PRUNE2: variants seen among roughly 807,000 people sequenced by gnomAD.
PRUNE2 encodes protein prune homolog 2.
A neutral mutation model predicts 252.0 loss-of-function variants in PRUNE2; 164 were observed. That is an observed-to-expected ratio of 0.65 (90% confidence interval 0.57 to 0.74). The LOEUF (loss-of-function observed/expected upper bound fraction) is 0.74. Among genes scored for constraint, PRUNE2 ranks in the 30% least tolerant of loss-of-function variants. The pLI is 0.00. For synonymous variants in PRUNE2, 1,292 were observed against 1,350.2 expected, an observed-to-expected ratio of 0.96 and a Z score of 0.94; for missense variants, 3,495 against 3,711.0, an observed-to-expected ratio of 0.94 and a Z score of 1.51.
intron 6 of PRUNE2, among the ~76,000 whole-genome samples, chr9:76,802,162 A>G (rs1564335986): frequency 6.6e-6 from 1 of 152,168 alleles, no homozygotes; most frequent in Admixed American, 6.5e-5. Flanking sequence ...ACATACTGCA[A>G]ATGTAATACA....
At chr9:76,834,852 T>A (rs2058866657) in intron 4 of PRUNE2, among the ~76,000 whole-genome samples, 1 of 152,194 alleles carries the variant, frequency 6.6e-6, no homozygotes, top group African/African-American at 2.4e-5. Flanking sequence ...ACCCATTTAG[T>A]TACAAACTTA....
At chr9:76,904,039 C>T (rs1011273385) in intron 1 of PRUNE2, among the ~76,000 whole-genome samples, 7 of 152,146 alleles carry the variant, frequency 4.6e-5, no homozygotes, top group African/African-American at 1.7e-4. Context: ...AATCTTATTA[C>T]CTAGAAAATG....
chr9:76,690,446 T>C (rs1423676427), intron 9 of PRUNE2, among the ~76,000 whole-genome samples: 1 of 152,222 alleles, frequency 6.6e-6, no homozygotes, highest in African/African-American at 2.4e-5. Context: ...CTATATCAGG[T>C]ACCTGAACCT....
intron 16 of PRUNE2, among the ~76,000 whole-genome samples, chr9:76,627,275 G>GT (rs1320016750): frequency 5.6e-5 from 6 of 106,210 alleles, no homozygotes; most frequent in Non-Finnish European, 8.4e-5. Flanking sequence ...TAATTTTTGT[G>GT]TTTTTTTCAT....
chr9:76,762,721 A>G (rs2051867832), intron 6 of PRUNE2, among the ~76,000 whole-genome samples: 1 of 152,204 alleles, frequency 6.6e-6, no homozygotes, highest in Admixed American at 6.5e-5. Context: ...ATACACGACC[A>G]CATGAGATTG....
In PRUNE2 at chr9:76,636,496, G is replaced by C; in HGVS notation, c.9025C>G (p.Leu3009Val). ...CTTATAAAAGGTCGTGTCACAGCAAGGATTGTTCTGATGAACCAAGATGGA... is the reference window on the plus strand; with the variant it reads ...CTTATAAAAGGTCGTGTCACAGCAACGATTGTTCTGATGAACCAAGATGGA... ...VHPSWFIRTI[L>V]AVTRPFISSK... Residue 3009 changes from leucine (L) to valine (V), a missense_variant, in exon 15 of 19, where the codon CTT (leucine) becomes GTT (valine). Coordinates refer to ENST00000376718, the MANE Select transcript of PRUNE2 (RefSeq NM_015225.3). 1 of 1,549,618 alleles carries C rather than the reference G, an allele frequency of 6.5e-7. No homozygotes were observed. The highest frequency in any genetic ancestry group is 1.4e-5 in the African/African-American group (1 of 73,380).
At chr9:76,727,537 G>A (rs2048200895) in intron 6 of PRUNE2, among the ~76,000 whole-genome samples, 1 of 151,942 alleles carries the variant, frequency 6.6e-6, no homozygotes, top group Non-Finnish European at 1.5e-5. Context: ...AAAGAAAACA[G>A]CAGGATGGTT....
chr9:76,854,573 A>C (rs574482111), intron 1 of PRUNE2, among the ~76,000 whole-genome samples: 2 of 152,276 alleles, frequency 1.3e-5, no homozygotes, highest in East Asian at 3.9e-4. Context: ...AATTTAAGAA[A>C]CAAACAAAAT....
chr9:76,869,102 T>C (rs967417993), intron 1 of PRUNE2: 1 of 152,248 alleles, frequency 6.6e-6, no homozygotes, highest in Non-Finnish European at 1.5e-5. Context: ...GCTTTGCTTT[T>C]CTGCAGTCAG....
At chr9:76,879,200 T>C (rs1168485250) in intron 1 of PRUNE2, among the ~76,000 whole-genome samples, 1 of 152,226 alleles carries the variant, frequency 6.6e-6, no homozygotes, top group Non-Finnish European at 1.5e-5. Context: ...TCCACGTGTA[T>C]GTGGTCTGTA....
intron 6 of PRUNE2, among the ~76,000 whole-genome samples, chr9:76,820,067 G>T (rs1317069660): frequency 6.6e-6 from 1 of 152,166 alleles, no homozygotes; most frequent in Admixed American, 6.5e-5. Flanking sequence ...TCCCCCACAA[G>T]ACGCATGCTA....
intron 6 of PRUNE2, chr9:76,808,876 G>C (rs2057161783): frequency 6.6e-6 from 1 of 152,260 alleles, no homozygotes; most frequent in Non-Finnish European, 1.5e-5. Context: ...TCCTGTCTTT[G>C]TACAGCATGA....
At position 76,710,446 on chromosome 9, in the gene PRUNE2, G is replaced by A. The variant is rs757108299; in HGVS notation, c.1828C>T (p.Pro610Ser). 1 of 1,614,006 alleles carries A rather than the reference G, an allele frequency of 6.2e-7. No homozygotes were observed. Among genetic ancestry groups the A allele is most frequent in the Non-Finnish European group, 8.5e-7 (1 of 1,179,898 alleles). ...RLKNTGKRIP[P>S]TPMNSLVESS... The stretch of plus-strand genomic sequence containing the variant: ...TCTACTAAACTATTCATGGGTGTTG[G>A]TGGGATCCTCTTTCCAGTATTTTTT... The change falls in exon 8 of 19, where the codon CCA becomes TCA. Residue 610 changes from proline to serine, a missense_variant. By Grantham distance (74) the Pro-to-Ser change is moderately conservative (BLOSUM62 -1). Transcript: ENST00000376718.
intron 6 of PRUNE2, among the ~76,000 whole-genome samples, chr9:76,723,948 C>T (rs1284447378): frequency 2.6e-5 from 4 of 151,432 alleles, no homozygotes; most frequent in Non-Finnish European, 4.4e-5. Flanking sequence ...GCTGGGACTA[C>T]AGGCGCCTGC....
chr9:76,722,477 A>ACC (rs536088673), intron 6 of PRUNE2, among the ~76,000 whole-genome samples: 11 of 152,344 alleles, frequency 7.2e-5, no homozygotes, highest in Non-Finnish European at 1.6e-4. Context: ...AAAGAAAGTT[A>ACC]GACAGTACAT....
Position 76,865,532 on chromosome 9 carries a change from C to G in PRUNE2, c.37-11324G>C, listed in dbSNP as rs534084024. 6.6e-5 allele frequency among the ~76,000 whole-genome samples: 10 copies of G among 152,232 alleles called. 1 individual carries two copies. The South Asian group carries it at 2.1e-3, about 32-fold the overall frequency. ...TGAGATCCTCAGGCCTTTGTGTCCC[C>G]AAGACTTCCTAAGGCAGCGTGCTGC... On this transcript the variant is annotated intron_variant, in intron 1 of 18. Coordinates refer to ENST00000376718, the MANE Select transcript of PRUNE2 (RefSeq NM_015225.3).
At position 76,872,475 on chromosome 9, in the gene PRUNE2, C is replaced by T. The variant is rs928712458; in HGVS notation, c.37-18267G>A. Among the ~76,000 whole-genome samples, 3 of 152,028 alleles carry T rather than the reference C, an allele frequency of 2.0e-5. No individual in the cohort carries two copies. The South Asian group carries it at 6.2e-4, about 31-fold the overall frequency. On this transcript the variant is annotated intron_variant, in intron 1 of 18. Transcript: ENST00000376718. ...TGGGAAGGCTTCACAGAGGAGGTGA[C>T]TTTTGCCTTTCTTCAAGGGAAGAAA...
chr9:76,763,201 T>A (rs938787123), intron 6 of PRUNE2, among the ~76,000 whole-genome samples: 1 of 152,168 alleles, frequency 6.6e-6, no homozygotes, highest in Non-Finnish European at 1.5e-5. Flanking sequence ...GTCAAGTCAA[T>A]TACTGGTCAT....
chr9:76,762,969 T>C (rs1199416789), intron 6 of PRUNE2, among the ~76,000 whole-genome samples: 2 of 152,196 alleles, frequency 1.3e-5, no homozygotes, highest in Non-Finnish European at 2.9e-5. Flanking sequence ...CACTGTGTCT[T>C]TGGCTCCAAC....
Sources: allele counts gnomAD v4.1 joint callset (sites outside exome capture counted in the v4.1 genomes callset), GRCh38; gene constraint gnomAD v4.1.1; transcripts MANE v1.5; gene names NCBI Gene and HGNC (gene_info 2026-07-23, HGNC 2026-07-21).